Variants in TBC1D5 observed in about 807,000 individuals in gnomAD.
TBC1D5 encodes TBC1 domain family member 5, also known as TBC1 domain family, member 5.
A neutral mutation model predicts 100.3 loss-of-function variants in TBC1D5; 75 were observed. The observed-to-expected ratio is 0.75, with a 90% CI of 0.62 to 0.91. The LOEUF is 0.91. TBC1D5 is among the 40% of genes least tolerant of loss of function. The pLI is 0.00. For missense variants in TBC1D5, 910 were observed against 942.4 expected (o/e 0.97, Z 0.45); for synonymous variants, 323 against 325.6 (o/e 0.99, Z 0.09).
intron 3 of TBC1D5, among the ~76,000 whole-genome samples, chr3:17,429,876 C>T (rs1285539997): frequency 6.6e-6 from 1 of 151,758 alleles, no homozygotes; most frequent in Non-Finnish European, 1.5e-5. Context: ...GCTTATTAAA[C>T]TTTCAACTCT....
intron 8 of TBC1D5, among the ~76,000 whole-genome samples, chr3:17,398,677 T>C (rs2093569403): frequency 1.3e-5 from 2 of 152,050 alleles, no homozygotes; most frequent in Non-Finnish European, 2.9e-5. Context: ...AAAGGTAAGA[T>C]CTGGGCTAAC....
chr3:17,741,636 T>C (rs996006763), upstream of TBC1D5, among the ~76,000 whole-genome samples: 1 of 152,136 alleles, frequency 6.6e-6, no homozygotes, highest in Non-Finnish European at 1.5e-5. Context: ...GAAAAAAACC[T>C]ACAGGATGTT....
intron 2 of TBC1D5, among the ~76,000 whole-genome samples, chr3:17,618,293 G>C (rs557487018): frequency 6.6e-6 from 1 of 152,246 alleles, no homozygotes; most frequent in Admixed American, 6.5e-5. Context: ...AGGGGCACCC[G>C]CCTGTATGAG....
chr3:17,651,914 C>T (rs2065615797), intron 1 of TBC1D5, among the ~76,000 whole-genome samples: 1 of 152,046 alleles, frequency 6.6e-6, no homozygotes, highest in Non-Finnish European at 1.5e-5. Flanking sequence ...CTGAAAACCC[C>T]AAAATGAGAA....
At chr3:17,400,675 G>C (rs1216245840) in intron 8 of TBC1D5, among the ~76,000 whole-genome samples, 1 of 152,072 alleles carries the variant, frequency 6.6e-6, no homozygotes, top group Non-Finnish European at 1.5e-5. Flanking sequence ...TGGACTCAGA[G>C]AGGCAGCCCC....
chr3:17,292,688 A>G (rs973525965), intron 14 of TBC1D5, among the ~76,000 whole-genome samples: 2 of 152,090 alleles, frequency 1.3e-5, no homozygotes, highest in African/African-American at 2.4e-5. Flanking sequence ...AGGCAGGTCT[A>G]TGTAGACTAC....
chr3:17,336,844 G>A (rs958788136), intron 13 of TBC1D5, among the ~76,000 whole-genome samples: 1 of 152,094 alleles, frequency 6.6e-6, no homozygotes, highest in Non-Finnish European at 1.5e-5. Context: ...TCACAAGAAA[G>A]AAATTTGGTA....
At chr3:17,701,413 CAT>C (rs941975749) in intron 1 of TBC1D5, among the ~76,000 whole-genome samples, 19 of 152,162 alleles carry the variant, frequency 1.2e-4, no homozygotes, top group Non-Finnish European at 2.1e-4. Flanking sequence ...CAAAATAGCA[CAT>C]GTTTACCTAT....
chr3:17,482,534 T>TCA (rs1362066422), intron 3 of TBC1D5, among the ~76,000 whole-genome samples: 1 of 152,210 alleles, frequency 6.6e-6, no homozygotes, highest in Non-Finnish European at 1.5e-5. Context: ...GAAAGGAAAT[T>TCA]CATATTCAAT....
intron 2 of TBC1D5, among the ~76,000 whole-genome samples, chr3:17,619,849 T>C (rs2062502188): frequency 6.6e-6 from 1 of 152,140 alleles, no homozygotes; most frequent in African/African-American, 2.4e-5. Context: ...ACAAAGAACT[T>C]CTAAAACTGG....
chr3:17,165,622 C>G (rs1174269394), intron 21 of TBC1D5, among the ~76,000 whole-genome samples: 3 of 152,112 alleles, frequency 2.0e-5, no homozygotes, highest in Non-Finnish European at 4.4e-5. Context: ...GAAAAACATT[C>G]CCACTCAAAT....
rs534230471 is a variant in TBC1D5, at chr3:17,337,488, G to C, written c.996-29354C>G. 32 of 152,274 alleles carry C rather than the reference G, an allele frequency of 2.1e-4. No individual in the cohort carries two copies. In the East Asian group the frequency reaches 6.2e-3, roughly 29 times the overall value. 9.4% of individuals were successfully genotyped at this position (152,274 alleles called of 1,614,324 possible). ...TGTCAATCACTTTGTGATTACAAGAGAGTATGTCTTAAGAAACTGATGATG... is the reference window on the plus strand; with the variant it reads ...TGTCAATCACTTTGTGATTACAAGACAGTATGTCTTAAGAAACTGATGATG... On this transcript the variant is annotated intron_variant, in intron 13 of 21. Transcript: ENST00000253692.
intron 18 of TBC1D5, among the ~76,000 whole-genome samples, chr3:17,201,641 G>A (rs1461746176): frequency 6.6e-6 from 1 of 152,072 alleles, no homozygotes; most frequent in East Asian, 1.9e-4. Context: ...GGATTACAGG[G>A]GTGGATTTCG....
intron 15 of TBC1D5, among the ~76,000 whole-genome samples, chr3:17,266,247 CA>C (rs1193243092): frequency 6.6e-6 from 1 of 152,142 alleles, no homozygotes; most frequent in Non-Finnish European, 1.5e-5. Context: ...AATACAGATA[CA>C]GTAACACAAG....
At chr3:17,573,159 T>C (rs925824562) in intron 2 of TBC1D5, among the ~76,000 whole-genome samples, 6 of 152,038 alleles carry the variant, frequency 3.9e-5, no homozygotes, top group Non-Finnish European at 7.4e-5. Context: ...GCTCCTCTTG[T>C]ATTCTCTTGT....
intron 1 of TBC1D5, among the ~76,000 whole-genome samples, chr3:17,666,455 T>C (rs2067262312): frequency 6.6e-6 from 1 of 152,164 alleles, no homozygotes; most frequent in African/African-American, 2.4e-5. Context: ...TTCTAAAATT[T>C]TTCTCCTTCA....
intron 3 of TBC1D5, among the ~76,000 whole-genome samples, chr3:17,483,429 C>T (rs1316046031): frequency 1.3e-5 from 2 of 152,078 alleles, no homozygotes; most frequent in African/African-American, 4.8e-5. Flanking sequence ...GCAAATGGCT[C>T]AAATCAATTA....
At chr3:17,664,536 C>T (rs1405597498) in intron 1 of TBC1D5, among the ~76,000 whole-genome samples, 1 of 152,110 alleles carries the variant, frequency 6.6e-6, no homozygotes, top group Admixed American at 6.6e-5. Flanking sequence ...GGTATGGATA[C>T]AAATTCTTTT....
At chr3:17,352,045 A>G (rs1051239527) in intron 13 of TBC1D5, among the ~76,000 whole-genome samples, 1 of 151,704 alleles carries the variant, frequency 6.6e-6, no homozygotes, top group African/African-American at 2.4e-5. Flanking sequence ...CCTAAGACAT[A>G]CAGAGAAGCA....
Sources: allele counts gnomAD v4.1 joint callset (sites outside exome capture counted in the v4.1 genomes callset), GRCh38; gene constraint gnomAD v4.1.1; transcripts MANE v1.5; gene names NCBI Gene and HGNC (gene_info 2026-07-23, HGNC 2026-07-21).